The following RALY variants were observed in gnomAD, a reference collection of about 807,000 sequenced individuals.
The protein encoded by RALY is RNA-binding protein Raly.
Under a neutral mutation model 30.7 loss-of-function variants are expected in RALY, and 15 were observed. That is an observed-to-expected ratio of 0.49 (90% CI 0.33 to 0.75). The LOEUF is 0.75. Ranked by LOEUF, RALY falls within the 30% of genes least tolerant of loss-of-function variation. RALY has a pLI of 0.02. For synonymous variants in RALY, 177 were observed against 170.8 expected (o/e 1.04, Z -0.28); for missense variants, 339 against 414.3 (o/e 0.82, Z 1.58).
chr20:34,031,316 C>T (rs1206296399), intron 1 of RALY, among the ~76,000 whole-genome samples: 1 of 151,654 alleles, frequency 6.6e-6, no homozygotes, highest in Non-Finnish European at 1.5e-5. Context: ...CCCCCTCGGC[C>T]TCCCAAAGTG....
chr20:34,003,796 C>T (rs926048393), intron 1 of RALY, among the ~76,000 whole-genome samples: 14 of 151,876 alleles, frequency 9.2e-5, no homozygotes, highest in African/African-American at 1.9e-4. Context: ...CCCGCCACTA[C>T]GCCTGGCTAA....
chr20:34,019,192 G>A (rs1040621808), intron 1 of RALY, among the ~76,000 whole-genome samples: 1 of 152,108 alleles, frequency 6.6e-6, no homozygotes, highest in African/African-American at 2.4e-5. Context: ...CAGGCCTGGT[G>A]GTGGGCACCT....
Position 34,025,686 on chromosome 20 carries a change from T to TA in RALY, c.-92-5819dup, listed in dbSNP as rs1333077710. 1.1e-3 allele frequency among the ~76,000 whole-genome samples: 162 copies of TA among 144,860 alleles called. 1 individual carries two copies. Among genetic ancestry groups the TA allele is most frequent in the South Asian group, 5.7e-3 (26 of 4,570 alleles). On this transcript the variant is annotated intron_variant, in intron 1 of 9. Coordinates refer to ENST00000246194, the MANE Select transcript of RALY (RefSeq NM_016732.3). ...AGAGTTCTGTAGGGACATGCTATTT[T>TA]AAAAAAAAAAAAAAAAATTGTTTTA...
intron 2 of RALY, among the ~76,000 whole-genome samples, chr20:34,071,255 G>C (rs534365610): frequency 6.6e-6 from 1 of 152,054 alleles, no homozygotes; most frequent in Admixed American, 6.5e-5. Flanking sequence ...ATTCAGACAG[G>C]TCTGTGTCTG....
At chr20:34,068,328 G>T (rs2033635752) in intron 2 of RALY, among the ~76,000 whole-genome samples, 3 of 152,180 alleles carry the variant, frequency 2.0e-5, no homozygotes, top group Admixed American at 2.0e-4. Context: ...CTAAGCTAGG[G>T]GGTACCTTGA....
chr20:34,077,367 C>G, intron 8 of RALY, 122 bp downstream of exon 8: 2 of 1,543,666 alleles, frequency 1.3e-6, no homozygotes, highest in East Asian at 4.9e-5. Context: ...CTCTCCTTCC[C>G]AGGGGTTCTG....
At chr20:34,052,499 T>C (rs1208386992) in intron 2 of RALY, among the ~76,000 whole-genome samples, 1 of 152,208 alleles carries the variant, frequency 6.6e-6, no homozygotes, top group African/African-American at 2.4e-5. Context: ...TTGTTCCTTT[T>C]CTAGCCAGCA....
At chr20:33,995,147 A>T (rs547928450) in intron 1 of RALY, among the ~76,000 whole-genome samples, 1 of 152,324 alleles carries the variant, frequency 6.6e-6, no homozygotes, top group South Asian at 2.1e-4. Flanking sequence ...GTTGTCCACT[A>T]TACTGTGGAT....
At chr20:34,074,381 G>A (rs937183103) in intron 5 of RALY, among the ~76,000 whole-genome samples, 1 of 152,154 alleles carries the variant, frequency 6.6e-6, no homozygotes, top group African/African-American at 2.4e-5. Context: ...CAGCCCAGAG[G>A]CTGTGGGCTC....
chr20:34,028,800 T>C (rs1361903558), intron 1 of RALY, among the ~76,000 whole-genome samples: 2 of 142,716 alleles, frequency 1.4e-5, no homozygotes, highest in African/African-American at 5.3e-5. Flanking sequence ...GCCTTGAAAA[T>C]TAAGAAGGGT....
intron 1 of RALY, among the ~76,000 whole-genome samples, chr20:34,019,528 G>C (rs897484773): frequency 6.6e-6 from 1 of 152,114 alleles, no homozygotes; most frequent in Non-Finnish European, 1.5e-5. Context: ...GCTGTGGGTC[G>C]TCTCACATTT....
intron 2 of RALY, among the ~76,000 whole-genome samples, chr20:34,067,816 C>CTTTTTTTTT (rs11480087): frequency 5.3e-5 from 7 of 132,668 alleles, no homozygotes; most frequent in Non-Finnish European, 6.3e-5. Context: ...TTTCTTTTTT[C>CTTTTTTTTT]TTTTTTTTTT....
chr20:34,021,836 T>C (rs1352663704), intron 1 of RALY, among the ~76,000 whole-genome samples: 1 of 151,946 alleles, frequency 6.6e-6, no homozygotes, highest in Non-Finnish European at 1.5e-5. Flanking sequence ...ACGGAACTCT[T>C]TTTAAAAAAT....
At chr20:34,053,428 C>G in intron 2 of RALY, among the ~76,000 whole-genome samples, 1 of 113,212 alleles carries the variant, frequency 8.8e-6, no homozygotes, top group Non-Finnish European at 1.7e-5. Flanking sequence ...GACAAGGCCT[C>G]GCTGTGTCAC....
intron 1 of RALY, among the ~76,000 whole-genome samples, chr20:34,028,650 G>C (rs1189015846): frequency 1.5e-5 from 2 of 132,764 alleles, no homozygotes; most frequent in Non-Finnish European, 3.0e-5. Context: ...CTTGCAGTGA[G>C]CCTAGATCGT....
intron 5 of RALY, among the ~76,000 whole-genome samples, chr20:34,074,522 C>T (rs1352571916): frequency 6.6e-6 from 1 of 152,180 alleles, no homozygotes; most frequent in Non-Finnish European, 1.5e-5. Flanking sequence ...AGAACAGTGC[C>T]TCTCTGAGCA....
At chr20:34,045,173 C>A (rs1601463586) in intron 2 of RALY, among the ~76,000 whole-genome samples, 1 of 152,024 alleles carries the variant, frequency 6.6e-6, no homozygotes, top group East Asian at 1.9e-4. Flanking sequence ...CGGAGGCCTC[C>A]CAAAATGTTG....
At chr20:34,002,577 G>A (rs114197271) in intron 1 of RALY, among the ~76,000 whole-genome samples, 1,627 of 152,292 alleles carry the variant, frequency 0.011, 34 homozygotes, top group African/African-American at 0.038. Context: ...CAGTAGACAA[G>A]GAGACCAGTT....
intron 2 of RALY, among the ~76,000 whole-genome samples, chr20:34,035,556 C>T (rs771806471): frequency 2.6e-5 from 4 of 152,074 alleles, no homozygotes; most frequent in Non-Finnish European, 5.9e-5. Flanking sequence ...TGGCTCTTTC[C>T]CCACGACCTA....
Sources: allele counts gnomAD v4.1 joint callset (sites outside exome capture counted in the v4.1 genomes callset), GRCh38; gene constraint gnomAD v4.1.1; transcripts MANE v1.5; gene names NCBI Gene and HGNC (gene_info 2026-07-23, HGNC 2026-07-21).